The following ZNF138 variants were observed in gnomAD, a reference collection of about 807,000 sequenced individuals.
ZNF138 encodes the protein zinc finger protein 138 (clone pHZ-32).
Under a neutral mutation model 33.0 loss-of-function variants are expected in ZNF138, and 33 were observed. The ratio of observed to expected loss-of-function variants is 1.00; its 90% CI spans 0.76 to 1.34. The LOEUF (loss-of-function observed/expected upper bound fraction) is 1.34, where lower values mean the gene tolerates loss of function less well. Among genes scored for constraint, ZNF138 ranks in the 40% most tolerant of loss-of-function variants. The pLI is 0.00. For missense variants in ZNF138, 360 were observed against 370.8 expected, an observed-to-expected ratio of 0.97 and a Z score of 0.24; for synonymous variants, 139 against 120.4, an observed-to-expected ratio of 1.15 and a Z score of -1.01.
At chr7:64,846,310 T>C in the ZNF138 span, among the ~76,000 whole-genome samples, 27 of 152,170 alleles carry the variant, frequency 1.8e-4, no homozygotes, top group Non-Finnish European at 3.5e-4. Flanking sequence ...ATAATGATAG[T>C]ATTTTGATGG....
chr7:64,802,220 T>C (rs999909772), intron 1 of ZNF138, among the ~76,000 whole-genome samples: 3 of 152,190 alleles, frequency 2.0e-5, no homozygotes, highest in Non-Finnish European at 4.4e-5. Flanking sequence ...TCTGAAGACC[T>C]CGGATCAATA....
At chr7:64,799,063 G>GT (rs1228822767) in intron 1 of ZNF138, among the ~76,000 whole-genome samples, 3 of 151,934 alleles carry the variant, frequency 2.0e-5, no homozygotes, top group East Asian at 3.9e-4. Flanking sequence ...TTTTAAAATA[G>GT]TTTTTTTAGT....
the ZNF138 span, among the ~76,000 whole-genome samples, chr7:64,839,938 G>A: frequency 3.4e-3 from 518 of 152,138 alleles, no homozygotes; most frequent in African/African-American, 0.012. Context: ...CAGGGAAGTC[G>A]CACTGTGCCA....
At chr7:64,805,640 A>G (rs966198680) in intron 1 of ZNF138, among the ~76,000 whole-genome samples, 4 of 152,208 alleles carry the variant, frequency 2.6e-5, no homozygotes, top group Admixed American at 2.6e-4. Flanking sequence ...AGAGGACACC[A>G]GCCACTAGGA....
At chr7:64,852,951 T>C in the ZNF138 span, 1 of 1,303,452 alleles carries the variant, frequency 7.7e-7, no homozygotes, top group Non-Finnish European at 1.1e-6. Context: ...ACTTTATCCA[T>C]TTCCCTGTTG....
chr7:64,842,301 A>G, the ZNF138 span, among the ~76,000 whole-genome samples: 4 of 126,546 alleles, frequency 3.2e-5, no homozygotes, highest in South Asian at 1.1e-3. Flanking sequence ...TGACCTCGTG[A>G]TCTGCCCTCC....
rs182320472 is a variant in ZNF138, at chr7:64,830,107, A to G, written c.209-1344A>G. On this transcript the variant is annotated intron_variant, in intron 3 of 3. Coordinates refer to ENST00000307355, the MANE Select transcript of ZNF138 (RefSeq NM_001271639.2). ...GTCACACAGTTTTCTTCTGGCCTGCAAAACTTTCATGAAAAATTAACTGGT... is the reference window on the plus strand; with the variant it reads ...GTCACACAGTTTTCTTCTGGCCTGCGAAACTTTCATGAAAAATTAACTGGT... 1.6e-3 allele frequency among the ~76,000 whole-genome samples: 250 copies of G among 152,298 alleles called. 1 individual carries two copies. Among genetic ancestry groups the G allele is most frequent in the African/African-American group, 5.7e-3 (236 of 41,570 alleles).
At chr7:64,824,635 T>C (rs993341578) in intron 3 of ZNF138, among the ~76,000 whole-genome samples, 3 of 152,106 alleles carry the variant, frequency 2.0e-5, no homozygotes, top group Non-Finnish European at 4.4e-5. Flanking sequence ...GGAGCCCTGA[T>C]GTTGTACATG....
At chr7:64,820,844 G>A (rs531004135) in intron 3 of ZNF138, among the ~76,000 whole-genome samples, 1 of 151,312 alleles carries the variant, frequency 6.6e-6, no homozygotes, top group African/African-American at 2.5e-5. Flanking sequence ...GATTACAGGC[G>A]TGAGCCACTG....
intron 1 of ZNF138, among the ~76,000 whole-genome samples, chr7:64,795,562 T>C (rs1262166095): frequency 6.6e-6 from 1 of 152,246 alleles, no homozygotes; most frequent in African/African-American, 2.4e-5. Flanking sequence ...TAATTAATCA[T>C]TTTTTGACAA....
the ZNF138 span, among the ~76,000 whole-genome samples, chr7:64,860,752 G>T: frequency 1.3e-5 from 2 of 152,094 alleles, no homozygotes; most frequent in African/African-American, 4.8e-5. Flanking sequence ...AAGTAACAAT[G>T]AAAATTATTG....
At position 64,832,376 on chromosome 7, in the gene ZNF138, C is replaced by T. The variant is rs1790166492; in HGVS notation, c.*174C>T. On this transcript the variant is annotated 3_prime_UTR_variant, in exon 4 of 4. Coordinates refer to ENST00000307355, the MANE Select transcript of ZNF138 (RefSeq NM_001271639.2). ...GAGCTTTTAACCAGTCCGCAAAGCT[C>T]ACTGAACATAAGTTAATTCATACTG... The T allele has an allele frequency of 1.3e-6, 2 of 1,530,438 alleles. No homozygotes were observed. Among genetic ancestry groups the T allele is most frequent in the Non-Finnish European group, 1.7e-6 (2 of 1,144,282 alleles). 94.8% of individuals were successfully genotyped at this position (1,530,438 alleles called of 1,614,324 possible). A position where few individuals can be genotyped will look rare whatever the true frequency, so the allele number is the denominator to read the frequency against.
chr7:64,812,877 A>G (rs1302753548), intron 1 of ZNF138, among the ~76,000 whole-genome samples: 4 of 140,956 alleles, frequency 2.8e-5, no homozygotes, highest in Non-Finnish European at 6.0e-5. Flanking sequence ...TTAGCTTAAC[A>G]TGTCTCAAAT....
At chr7:64,845,361 A>T in the ZNF138 span, among the ~76,000 whole-genome samples, 1 of 152,236 alleles carries the variant, frequency 6.6e-6, no homozygotes, top group African/African-American at 2.4e-5. Flanking sequence ...ACATTTTTGC[A>T]ATTGCAAATC....
chr7:64,840,027 G>A, the ZNF138 span, among the ~76,000 whole-genome samples: 18 of 152,204 alleles, frequency 1.2e-4, no homozygotes, highest in African/African-American at 3.9e-4. Flanking sequence ...TCGCGCTTCT[G>A]AGTGTGACAC....
intron 1 of ZNF138, among the ~76,000 whole-genome samples, chr7:64,796,736 G>C (rs1198077646): frequency 2.0e-5 from 3 of 152,098 alleles, no homozygotes; most frequent in Non-Finnish European, 4.4e-5. Flanking sequence ...CTTCCATTTT[G>C]GCTGTGGAAA....
rs906985849 is a variant in ZNF138 at position 64,832,546 on chromosome 7, T to C, written c.*344T>C. 1.3e-4 allele frequency: 78 copies of C among 601,118 alleles called. No homozygotes were observed. Among genetic ancestry groups the C allele is most frequent in the African/African-American group, 5.4e-4 (28 of 52,296 alleles). 37.2% of individuals were successfully genotyped at this position (601,118 alleles called of 1,614,324 possible). On this transcript the variant is annotated 3_prime_UTR_variant, in exon 4 of 4. Coordinates refer to ENST00000307355, the MANE Select transcript of ZNF138 (RefSeq NM_001271639.2). ...GCCTTTAACTGGTCCTCAACTCTTA[T>C]TACACATAAGATAATTCACAGTGGA... is the stretch of plus-strand genomic sequence containing the variant.
chr7:64,858,723 G>C, the ZNF138 span, among the ~76,000 whole-genome samples: 1 of 152,132 alleles, frequency 6.6e-6, no homozygotes, highest in Non-Finnish European at 1.5e-5. Context: ...ACTCTGCATA[G>C]AAATGAGATC....
chr7:64,852,922 T>C, the ZNF138 span: 12 of 1,168,502 alleles, frequency 1.0e-5, no homozygotes, highest in Non-Finnish European at 1.4e-5. Flanking sequence ...CTTTAAAACC[T>C]TGGATAATCA....
Sources: allele counts gnomAD v4.1 joint callset (sites outside exome capture counted in the v4.1 genomes callset), GRCh38; gene constraint gnomAD v4.1.1; transcripts MANE v1.5; gene names NCBI Gene and HGNC (gene_info 2026-07-23, HGNC 2026-07-21).